RBPJ: variants seen among roughly 807,000 people sequenced by gnomAD.
RBPJ encodes recombining binding protein suppressor of hairless.
A neutral mutation model predicts 67.8 loss-of-function variants in RBPJ; 9 were observed. That is an observed-to-expected ratio of 0.13 (90% CI 0.08 to 0.23). The LOEUF (loss-of-function observed/expected upper bound fraction) is 0.23, where lower values mean the gene tolerates loss of function less well. RBPJ is among the 10% of genes least tolerant of loss of function. The pLI, the probability that RBPJ is intolerant of heterozygous loss-of-function variation, is 1.00. For synonymous variants in RBPJ, 198 were observed against 203.3 expected (o/e 0.97, Z 0.22); for missense variants, 305 against 595.6 (o/e 0.51, Z 5.08).
At chr4:26,166,968 T>C (rs968171132) in intron 1 of RBPJ, among the ~76,000 whole-genome samples, 10 of 152,216 alleles carry the variant, frequency 6.6e-5, no homozygotes, top group Non-Finnish European at 1.0e-4. Flanking sequence ...ATTTATTAAA[T>C]AGGGACTCTT....
chr4:26,115,631 G>A, the RBPJ span, among the ~76,000 whole-genome samples: 1 of 152,226 alleles, frequency 6.6e-6, no homozygotes, highest in African/African-American at 2.4e-5. Flanking sequence ...TGATCCACCC[G>A]CCTCGGCCTC....
intron 3 of RBPJ, among the ~76,000 whole-genome samples, chr4:26,413,915 T>G (rs1209712179): frequency 6.6e-6 from 1 of 152,208 alleles, no homozygotes; most frequent in Non-Finnish European, 1.5e-5. Flanking sequence ...ATTTCAGTCA[T>G]CTATTGAACA....
chr4:26,128,138 C>T, the RBPJ span, among the ~76,000 whole-genome samples: 1 of 152,252 alleles, frequency 6.6e-6, no homozygotes, highest in Admixed American at 6.5e-5. Context: ...GAGGCTCCCA[C>T]TGATGTCAGC....
rs112180505 is a variant in RBPJ at position 26,326,056 on chromosome 4, C to A, written c.20+5008C>A. Reference sequence around the variant, plus strand: ...GATTGTCTATCACATGATAGAGACTCAGCAAAAAGAATTTTTGAACATAGG... The same window carrying A: ...GATTGTCTATCACATGATAGAGACTAAGCAAAAAGAATTTTTGAACATAGG... On this transcript the variant is annotated intron_variant, in intron 1 of 10. Transcript: ENST00000355476. 7.2e-5 allele frequency among the ~76,000 whole-genome samples: 11 copies of A among 152,158 alleles called. 1 individual carries two copies. Among genetic ancestry groups the A allele is most frequent in the African/African-American group, 2.7e-4 (11 of 41,504 alleles).
chr4:26,260,061 C>T (rs1407494740), intron 1 of RBPJ, among the ~76,000 whole-genome samples: 1 of 152,152 alleles, frequency 6.6e-6, no homozygotes, highest in African/African-American at 2.4e-5. Flanking sequence ...CTTGTTCAGA[C>T]ATATTATAGC....
At position 26,430,117 on chromosome 4, in the gene RBPJ, A is replaced by C; in HGVS notation, c.1044+64A>C. ...CAGCTACTCTCAGCTGTGACCTGGC[A>C]TCATTTCATTTCATGGGAGTTTTGA... On this transcript the variant is annotated intron_variant, in intron 9 of 10. Coordinates refer to ENST00000355476, the MANE Select transcript of RBPJ (RefSeq NM_015874.6). The surrounding 1 kb of genome is among the most constrained non-coding windows in gnomAD (Gnocchi z 4.1). The C allele has an allele frequency of 6.5e-7, 1 of 1,546,590 alleles. No individual in the cohort carries two copies. Among genetic ancestry groups the C allele is most frequent in the Non-Finnish European group, 8.9e-7 (1 of 1,121,154 alleles).
intron 1 of RBPJ, among the ~76,000 whole-genome samples, chr4:26,270,891 T>C (rs4692499): frequency 0.53 from 80,592 of 151,732 alleles, 23,985 homozygotes; most frequent in Middle Eastern, 0.68. Flanking sequence ...TTATCCACAG[T>C]TTTGCTTTCC....
In RBPJ at chr4:26,420,595, G is replaced by A. The variant is rs1260631312; in HGVS notation, c.366G>A (p.Lys122=). ...AKTLYISDSD[K]RKHFMLSVKM... is the part of the protein sequence containing the mutation. ...CATTGTATATATCTGACTCAGACAA[G>A]CGAAAGCACTTCATGTTGTCTGTAA... The change falls in exon 5 of 11, where the codon AAG becomes AAA. Residue 122 remains lysine (K), a synonymous_variant. Coordinates refer to ENST00000355476, the MANE Select transcript of RBPJ (RefSeq NM_015874.6). 1.9e-6 allele frequency: 3 copies of A among 1,613,434 alleles called. No homozygotes were observed. The highest frequency in any genetic ancestry group is 2.5e-6 in the Non-Finnish European group (3 of 1,179,796).
At chr4:26,260,045 C>G (rs1034821826) in intron 1 of RBPJ, among the ~76,000 whole-genome samples, 1 of 152,164 alleles carries the variant, frequency 6.6e-6, no homozygotes, top group African/African-American at 2.4e-5. Flanking sequence ...CTGCCTCAAA[C>G]TAGATCTTGT....
At chr4:26,294,606 G>C (rs932312536) in intron 1 of RBPJ, among the ~76,000 whole-genome samples, 6 of 152,108 alleles carry the variant, frequency 3.9e-5, no homozygotes, top group Admixed American at 2.6e-4. Context: ...TAGGCTGGGT[G>C]CAATGGCTCA....
At chr4:26,200,680 A>AG (rs1717952112) in intron 1 of RBPJ, among the ~76,000 whole-genome samples, 1 of 151,304 alleles carries the variant, frequency 6.6e-6, no homozygotes, top group Non-Finnish European at 1.5e-5. Flanking sequence ...AGAAAAAAAA[A>AG]CCCAAGCAAT....
chr4:26,231,642 C>T (rs1719289762), intron 1 of RBPJ, among the ~76,000 whole-genome samples: 1 of 151,706 alleles, frequency 6.6e-6, no homozygotes. Flanking sequence ...GAATGCCTGA[C>T]CTCAAGTGAT....
intron 1 of RBPJ, among the ~76,000 whole-genome samples, chr4:26,262,395 G>A (rs915045516): frequency 1.6e-4 from 24 of 152,154 alleles, no homozygotes; most frequent in Admixed American, 1.5e-3. Flanking sequence ...GTTTTTAAAC[G>A]CCAGAATCTC....
the RBPJ span, among the ~76,000 whole-genome samples, chr4:26,136,411 C>A: frequency 0.14 from 20,618 of 152,236 alleles, 1,713 homozygotes; most frequent in Non-Finnish European, 0.19. Context: ...CTTGTTGACT[C>A]CCTCATCCCA....
chr4:26,318,260 A>T (rs1345802016), upstream of RBPJ, among the ~76,000 whole-genome samples: 1 of 152,108 alleles, frequency 6.6e-6, no homozygotes, highest in Non-Finnish European at 1.5e-5. Context: ...CTGTGACGTG[A>T]GCAGGAAGAC....
rs572971807 is a variant in RBPJ at position 26,177,630 on chromosome 4, GAGAA to G, written c.-167+14023_-167+14026del. 3.2e-4 allele frequency among the ~76,000 whole-genome samples: 49 copies of G among 151,614 alleles called. 2 individuals carry two copies. The South Asian group carries it at 8.1e-3, about 25-fold the overall frequency. On this transcript the variant is annotated intron_variant, in intron 1 of 4. Coordinates refer to the RBPJ transcript ENST00000512351. ...AGAGAAGGAAAGAAAAAAAGAAAAG[GAGAA>G]AGAAAGGAAGGAAGAAAGAAAGAAA...
rs1735399476 is a variant in RBPJ at position 26,424,045 on chromosome 4, T to C, written c.497-297T>C. Among the ~76,000 whole-genome samples the C allele has an allele frequency of 6.6e-6, 1 of 152,218 alleles. No homozygotes were observed. The highest frequency in any genetic ancestry group is 1.5e-5 in the Non-Finnish European group (1 of 68,028). ...GGTCATCATTTAAATTTCTACTGTC[T>C]AACATTATTTTAAAAGTAAGTTTTT... On this transcript the variant is annotated intron_variant, in intron 5 of 10. Transcript: ENST00000355476. This position sits in a 1 kb window ranked among gnomAD's most constrained non-coding sequence, Gnocchi z 5.3.
At chr4:26,290,249 G>A (rs1286856316) in intron 1 of RBPJ, among the ~76,000 whole-genome samples, 1 of 147,062 alleles carries the variant, frequency 6.8e-6, no homozygotes. Flanking sequence ...TGTGACAGGA[G>A]GTTCACTTGA....
intron 1 of RBPJ, among the ~76,000 whole-genome samples, chr4:26,286,140 T>A (rs1039596908): frequency 4.0e-5 from 6 of 151,404 alleles, no homozygotes; most frequent in Admixed American, 3.3e-4. Flanking sequence ...ACCATATTAA[T>A]TTGGAAGACT....
Sources: gnomAD v4.1 joint callset for allele counts (sites outside exome capture counted in the v4.1 genomes callset) on GRCh38, gnomAD v4.1.1 for gene constraint, Gnocchi (gnomAD v3.1) non-coding constraint, MANE v1.5 for transcripts, NCBI Gene and HGNC (gene_info 2026-07-23, HGNC 2026-07-21) for gene names.